Variants in RGS7 observed in about 807,000 individuals in gnomAD.
RGS7 encodes regulator of G protein signaling 7.
A neutral mutation model predicts 81.1 loss-of-function variants in RGS7; 27 were observed. The ratio of observed to expected loss-of-function variants is 0.33; its 90% CI spans 0.25 to 0.46. The LOEUF is 0.46. RGS7 is among the 20% of genes least tolerant of loss of function. RGS7 has a pLI of 1.00. For missense variants in RGS7, 396 were observed against 607.4 expected (o/e 0.65, Z 3.66); for synonymous variants, 208 against 207.7 (o/e 1.00, Z -0.01).
intron 3 of RGS7, among the ~76,000 whole-genome samples, chr1:241,047,705 C>A: frequency 7.2e-6 from 1 of 139,706 alleles, no homozygotes; most frequent in African/African-American, 2.7e-5. Context: ...CTATTCAAAT[C>A]TTCTCTGTCA....
At chr1:240,890,820 G>T (rs1202793526) in intron 6 of RGS7, among the ~76,000 whole-genome samples, 1 of 150,140 alleles carries the variant, frequency 6.7e-6, no homozygotes, top group African/African-American at 2.5e-5. Flanking sequence ...CCAGTTGTCT[G>T]GGAAGAGCCA....
intron 2 of RGS7, among the ~76,000 whole-genome samples, chr1:241,238,227 G>A (rs1171056420): frequency 1.3e-5 from 2 of 152,170 alleles, no homozygotes; most frequent in Non-Finnish European, 2.9e-5. Flanking sequence ...TACTGGGCAT[G>A]TGTGTGTGTA....
chr1:241,070,666 C>G (rs930609278), intron 3 of RGS7, among the ~76,000 whole-genome samples: 2 of 152,158 alleles, frequency 1.3e-5, no homozygotes, highest in Admixed American at 1.3e-4. Flanking sequence ...ATGGGCACAA[C>G]AGCAAACCCA....
chr1:240,986,032 T>C (rs935247013), intron 3 of RGS7, among the ~76,000 whole-genome samples: 4 of 151,996 alleles, frequency 2.6e-5, no homozygotes, highest in African/African-American at 9.7e-5. Flanking sequence ...ATAATGTATA[T>C]GTAGAAAATT....
rs934216729 is a variant in RGS7 at position 241,305,733 on chromosome 1, C to T, written c.78+49966G>A. Reference sequence around the variant, plus strand: ...GAGCTTGAGCAACTCCACAGCACACCGCTCTATGGGACAAAGCCACACACC... The same window carrying T: ...GAGCTTGAGCAACTCCACAGCACACTGCTCTATGGGACAAAGCCACACACC... On this transcript the variant is annotated intron_variant, in intron 2 of 18. Coordinates refer to ENST00000440928, the MANE Select transcript of RGS7 (RefSeq NM_001364886.1). 6.1e-5 allele frequency: 11 copies of T among 180,398 alleles called. No individual in the cohort carries two copies. The East Asian group carries it at 7.0e-4, about 11-fold the overall frequency. 11.2% of individuals were successfully genotyped at this position (180,398 alleles called of 1,614,324 possible).
At chr1:241,192,777 C>T (rs766483488) in intron 2 of RGS7, among the ~76,000 whole-genome samples, 6 of 152,258 alleles carry the variant, frequency 3.9e-5, no homozygotes, top group Admixed American at 6.5e-5. Flanking sequence ...TCATTCCTGC[C>T]TCACTCCCAA....
intron 3 of RGS7, among the ~76,000 whole-genome samples, chr1:240,996,577 T>C (rs1021714714): frequency 2.0e-5 from 3 of 152,212 alleles, no homozygotes; most frequent in African/African-American, 7.2e-5. Flanking sequence ...CCACTTTTCC[T>C]TGTGGTGACG....
At chr1:241,296,792 T>G (rs751419667) in intron 2 of RGS7, among the ~76,000 whole-genome samples, 1 of 152,230 alleles carries the variant, frequency 6.6e-6, no homozygotes, top group Non-Finnish European at 1.5e-5. Flanking sequence ...CTGTCTGATT[T>G]GAGATATTTT....
chr1:241,329,677 C>T (rs2081844995), intron 2 of RGS7, among the ~76,000 whole-genome samples: 2 of 152,254 alleles, frequency 1.3e-5, no homozygotes, highest in Middle Eastern at 6.8e-3. Flanking sequence ...GAAACAGGTT[C>T]TCTTGGGTCC....
intron 3 of RGS7, among the ~76,000 whole-genome samples, chr1:241,064,346 G>C (rs552395856): frequency 6.6e-6 from 1 of 151,602 alleles, no homozygotes; most frequent in South Asian, 2.1e-4. Flanking sequence ...AGCACTTTGG[G>C]AGGCCGAGGT....
intron 3 of RGS7, among the ~76,000 whole-genome samples, chr1:241,025,983 T>C (rs558858326): frequency 5.3e-5 from 8 of 152,342 alleles, no homozygotes; most frequent in African/African-American, 1.4e-4. Flanking sequence ...AACATAGTAA[T>C]GTGGACATAC....
At chr1:241,045,889 A>G (rs890472256) in intron 3 of RGS7, among the ~76,000 whole-genome samples, 2 of 152,124 alleles carry the variant, frequency 1.3e-5, no homozygotes, top group Non-Finnish European at 2.9e-5. Context: ...AGTTCTATTC[A>G]GGGGATTCCT....
intron 2 of RGS7, among the ~76,000 whole-genome samples, chr1:241,313,314 T>C (rs1444165568): frequency 1.3e-5 from 2 of 152,234 alleles, no homozygotes; most frequent in African/African-American, 4.8e-5. Context: ...AGGACTTTCA[T>C]AGCTAGAGAG....
At chr1:240,776,324 ACTGAAC>A (rs1682922735) in intron 18 of RGS7, 111 bp from the exon 19 acceptor site, 1 of 807,544 alleles carries the variant, frequency 1.2e-6, no homozygotes, top group South Asian at 1.4e-5. Context: ...CAAGGTCAAC[ACTGAAC>A]CCTTTAAGTC....
intron 2 of RGS7, among the ~76,000 whole-genome samples, chr1:241,176,521 G>C (rs1572996061): frequency 6.6e-6 from 1 of 152,142 alleles, no homozygotes; most frequent in Middle Eastern, 3.4e-3. Context: ...GTCTTACAAA[G>C]TTTTCTAATT....
At chr1:241,352,953 A>G (rs756052745) in intron 2 of RGS7, among the ~76,000 whole-genome samples, 15 of 152,360 alleles carry the variant, frequency 9.8e-5, no homozygotes, top group Admixed American at 2.0e-4. Context: ...AGTCATATGC[A>G]ATAAGTAAAC....
intron 6 of RGS7, among the ~76,000 whole-genome samples, chr1:240,905,822 T>C (rs1670730125): frequency 6.6e-6 from 1 of 152,210 alleles, no homozygotes; most frequent in East Asian, 1.9e-4. Context: ...TAAGATGACA[T>C]GCACCAGGGA....
intron 2 of RGS7, among the ~76,000 whole-genome samples, chr1:241,258,028 C>A (rs2077132026): frequency 6.6e-6 from 1 of 152,078 alleles, no homozygotes; most frequent in South Asian, 2.1e-4. Context: ...AAAAACTTAG[C>A]TCTCCTGAAA....
intron 2 of RGS7, among the ~76,000 whole-genome samples, chr1:241,118,055 A>G (rs1490661045): frequency 6.6e-6 from 1 of 152,238 alleles, no homozygotes; most frequent in African/African-American, 2.4e-5. Flanking sequence ...GTTTTACAAA[A>G]CAATAGCTAT....
Sources: allele counts gnomAD v4.1 joint callset (sites outside exome capture counted in the v4.1 genomes callset), GRCh38; gene constraint gnomAD v4.1.1; transcripts MANE v1.5; gene names NCBI Gene and HGNC (gene_info 2026-07-23, HGNC 2026-07-21).